TMEM266: variants seen among roughly 807,000 people sequenced by gnomAD.
The protein encoded by TMEM266 is transmembrane protein 266.
A neutral mutation model predicts 50.5 loss-of-function variants in TMEM266; 33 were observed. That is an observed-to-expected ratio of 0.65 (90% CI 0.50 to 0.87). The LOEUF is 0.87. TMEM266 is among the 40% of genes least tolerant of loss of function. The pLI is 0.00. For missense variants in TMEM266, 655 were observed against 695.1 expected (o/e 0.94, Z 0.65); for synonymous variants, 310 against 292.3 (o/e 1.06, Z -0.62).
At chr15:76,105,396 T>C (rs1413166680) in intron 1 of TMEM266, among the ~76,000 whole-genome samples, 1 of 152,264 alleles carries the variant, frequency 6.6e-6, no homozygotes, top group African/African-American at 2.4e-5. Flanking sequence ...GCATCCATAC[T>C]TTGCTCATCC....
At chr15:76,125,406 G>A (rs918672401) in intron 1 of TMEM266, among the ~76,000 whole-genome samples, 7 of 151,646 alleles carry the variant, frequency 4.6e-5, no homozygotes, top group Non-Finnish European at 8.8e-5. Context: ...TATCAGATAA[G>A]GAGTTAAAAT....
intron 8 of TMEM266, chr15:76,176,447 T>G (rs1449836295): frequency 6.6e-6 from 1 of 152,520 alleles, no homozygotes; most frequent in African/African-American, 2.4e-5. Flanking sequence ...CAGCTCGGTG[T>G]GCAGGGAAGG....
At chr15:76,064,903 A>T (rs75015824) in intron 1 of TMEM266, among the ~76,000 whole-genome samples, 3 of 152,116 alleles carry the variant, frequency 2.0e-5, no homozygotes, top group African/African-American at 7.2e-5. Context: ...TTTATCTACA[A>T]TTCCCTCACA....
chr15:76,060,362 G>C (rs534091898), intron 1 of TMEM266, among the ~76,000 whole-genome samples: 9 of 151,750 alleles, frequency 5.9e-5, no homozygotes, highest in African/African-American at 7.3e-5. Context: ...CAAGCTGGAG[G>C]GGGGGGTTGC....
In TMEM266 at chr15:76,168,276, G is replaced by T. The variant is rs567774689; in HGVS notation, c.457-1540G>T. 6.6e-6 allele frequency among the ~76,000 whole-genome samples: 1 copy of T among 152,326 alleles called. No individual in the cohort carries two copies. The highest frequency in any genetic ancestry group is 2.4e-5 in the African/African-American group (1 of 41,576). ...CATGCTCCTCTCTCTACTCAGAGAA[G>T]GCAACATGACTGTCCCCCACAAGCA... On this transcript the variant is annotated intron_variant, in intron 5 of 10. Transcript: ENST00000388942. This position sits in a 1 kb window ranked among gnomAD's most constrained non-coding sequence, Gnocchi z 4.4.
chr15:76,165,855 G>A lies in TMEM266; in HGVS notation c.457-3961G>A, dbSNP rs531822287. On this transcript the variant is annotated intron_variant, in intron 5 of 10. Coordinates refer to ENST00000388942, the MANE Select transcript of TMEM266 (RefSeq NM_152335.3). ...GACTCCCCATCTAACACCCTTTCTC[G>A]TTATTGCTTGTGGGCCTGTGGTCTC... Among the ~76,000 whole-genome samples, 20 of 152,320 alleles carry A rather than the reference G, an allele frequency of 1.3e-4. No homozygotes were observed. In the East Asian group the frequency reaches 3.3e-3, roughly 25 times the overall value.
intron 3 of TMEM266, among the ~76,000 whole-genome samples, chr15:76,150,178 G>A (rs1567167908): frequency 6.6e-6 from 1 of 152,170 alleles, no homozygotes; most frequent in Non-Finnish European, 1.5e-5. Flanking sequence ...GTAGTTTTGT[G>A]CATTTGGGGG....
chr15:76,159,324 A>G (rs1840228922), intron 4 of TMEM266, among the ~76,000 whole-genome samples: 1 of 152,188 alleles, frequency 6.6e-6, no homozygotes, highest in African/African-American at 2.4e-5. Context: ...CTGTGGCTTC[A>G]TGTATTTTAA....
At chr15:76,171,467 A>C (rs2038187574) in intron 7 of TMEM266, among the ~76,000 whole-genome samples, 1 of 151,860 alleles carries the variant, frequency 6.6e-6, no homozygotes, top group Admixed American at 6.6e-5. Context: ...AGACTTTTAC[A>C]CCCTGGGCGT....
In TMEM266 at chr15:76,175,957, G is replaced by T. The variant is rs1483982337; in HGVS notation, c.768+283G>T. On this transcript the variant is annotated intron_variant, in intron 8 of 10. Transcript: ENST00000388942. Reference sequence around the variant, plus strand: ...CTCCCCAACCTGAGTCTGCCAAGTCGCCCCCTCAGTTCATCAGAGTCTTCT... The same window carrying T: ...CTCCCCAACCTGAGTCTGCCAAGTCTCCCCCTCAGTTCATCAGAGTCTTCT... 9.9e-6 allele frequency: 3 copies of T among 303,000 alleles called. No individual in the cohort carries two copies. In the Admixed American group the frequency reaches 1.5e-4, roughly 15 times the overall value. 18.8% of individuals were successfully genotyped at this position (303,000 alleles called of 1,614,324 possible). A position where few individuals can be genotyped will look rare whatever the true frequency, so the allele number is the denominator to read the frequency against.
At chr15:76,138,032 G>A (rs193228488) in intron 3 of TMEM266, 137 bp downstream of exon 3, 4 of 769,228 alleles carry the variant, frequency 5.2e-6, no homozygotes, top group Non-Finnish European at 1.9e-6. Context: ...GACCAGCCTG[G>A]CCAACATGGT....
At chr15:76,068,932 G>A (rs1185120933) in intron 1 of TMEM266, among the ~76,000 whole-genome samples, 3 of 152,168 alleles carry the variant, frequency 2.0e-5, no homozygotes, top group Admixed American at 6.5e-5. Flanking sequence ...GGAACATAGT[G>A]CCTGTGCTTC....
At chr15:76,170,199 C>T (rs772436838) in intron 6 of TMEM266, among the ~76,000 whole-genome samples, 10 of 152,212 alleles carry the variant, frequency 6.6e-5, no homozygotes, top group South Asian at 2.1e-4. Context: ...GAAAGCTGAG[C>T]GGGAAACTGT....
chr15:76,147,226 G>A (rs530878659), intron 3 of TMEM266, among the ~76,000 whole-genome samples: 1 of 152,186 alleles, frequency 6.6e-6, no homozygotes, highest in Non-Finnish European at 1.5e-5. Context: ...CTAATTCCAT[G>A]CTTTCTCCAC....
At chr15:76,170,490 G>A (rs898072569) in intron 6 of TMEM266, among the ~76,000 whole-genome samples, 1 of 152,240 alleles carries the variant, frequency 6.6e-6, no homozygotes, top group African/African-American at 2.4e-5. Context: ...CGGACGGAAG[G>A]GCAGGGCCCA....
intron 1 of TMEM266, among the ~76,000 whole-genome samples, chr15:76,129,073 G>C (rs895062047): frequency 1.9e-4 from 23 of 119,408 alleles, no homozygotes; most frequent in African/African-American, 8.5e-4. Flanking sequence ...TAACTGAGGA[G>C]GGAAAGTCTG....
intron 1 of TMEM266, among the ~76,000 whole-genome samples, chr15:76,128,416 A>G (rs898402085): frequency 5.3e-5 from 8 of 152,222 alleles, no homozygotes; most frequent in Non-Finnish European, 8.8e-5. Flanking sequence ...GTAAATACAT[A>G]GACTCATGAC....
intron 8 of TMEM266, among the ~76,000 whole-genome samples, chr15:76,185,915 A>C (rs1225926459): frequency 6.6e-6 from 1 of 152,156 alleles, no homozygotes; most frequent in Non-Finnish European, 1.5e-5. Context: ...TATTGGACAC[A>C]CAGTGAAACC....
chr15:76,090,509 A>G (rs1231278340), intron 1 of TMEM266, among the ~76,000 whole-genome samples: 12 of 151,064 alleles, frequency 7.9e-5, no homozygotes, highest in Admixed American at 1.3e-4. Context: ...AAAAAAAAAA[A>G]AGAGAAAAAG....
Sources: allele counts gnomAD v4.1 joint callset (sites outside exome capture counted in the v4.1 genomes callset), GRCh38; gene constraint gnomAD v4.1.1; non-coding constraint Gnocchi (gnomAD v3.1); transcripts MANE v1.5; gene names NCBI Gene and HGNC (gene_info 2026-07-23, HGNC 2026-07-21).